PGM2L1: variants seen among roughly 807,000 people sequenced by gnomAD.
PGM2L1 encodes the protein glucose 1,6-bisphosphate synthase.
In PGM2L1, 35 loss-of-function variants were observed where a neutral mutation model predicts 73.4. That is an observed-to-expected ratio of 0.48 (90% CI 0.36 to 0.63). The LOEUF is 0.63. Among genes scored for constraint, PGM2L1 ranks in the 30% least tolerant of loss-of-function variants. The probability of loss-of-function intolerance (pLI) is 0.00; values close to 1 mark genes in which losing one functional copy is unlikely to be tolerated. For missense variants in PGM2L1, 570 were observed against 742.0 expected (o/e 0.77, Z 2.69); for synonymous variants, 225 against 253.8 (o/e 0.89, Z 1.08).
At chr11:74,397,921 C>T (rs1177612903) in intron 1 of PGM2L1, 130 bp downstream of exon 1, 14 of 1,372,278 alleles carry the variant, frequency 1.0e-5, no homozygotes, top group Non-Finnish European at 1.3e-5. Context: ...TGGCAACGCC[C>T]TGCTCCGCTG....
rs149027296 is a variant in PGM2L1 at position 74,358,448 on chromosome 11, G to C, written c.556-6872C>G. ...TTAAAAATAACATTTCCACCCATCTGATTGGCAAAGATTAAAAGCTTTGAT... is the reference window on the plus strand; with the variant it reads ...TTAAAAATAACATTTCCACCCATCTCATTGGCAAAGATTAAAAGCTTTGAT... On this transcript the variant is annotated intron_variant, in intron 5 of 13. Transcript: ENST00000298198. Among the ~76,000 whole-genome samples, 72 of 152,310 alleles carry C rather than the reference G, an allele frequency of 4.7e-4. 1 individual carries two copies. Among genetic ancestry groups the C allele is most frequent in the African/African-American group, 1.7e-3 (72 of 41,578 alleles).
intron 5 of PGM2L1, among the ~76,000 whole-genome samples, chr11:74,362,867 T>C (rs1862588030): frequency 6.6e-6 from 1 of 152,174 alleles, no homozygotes; most frequent in East Asian, 1.9e-4. Context: ...GGAATTGAAC[T>C]CAGCTCTGCA....
chr11:74,366,518 A>G (rs1418192941), intron 5 of PGM2L1, among the ~76,000 whole-genome samples: 1 of 151,944 alleles, frequency 6.6e-6, no homozygotes, highest in African/African-American at 2.4e-5. Flanking sequence ...GATGGCAAGA[A>G]AGAGTCACTG....
At chr11:74,373,743 T>C (rs891252358) in intron 2 of PGM2L1, among the ~76,000 whole-genome samples, 5 of 152,240 alleles carry the variant, frequency 3.3e-5, no homozygotes, top group African/African-American at 4.8e-5. Context: ...TAAATGGCCA[T>C]ATGCCAAAAT....
chr11:74,343,339 T>C lies in PGM2L1; in HGVS notation c.1296A>G (p.Ala432=). 3 of 1,607,258 alleles carry C rather than the reference T, an allele frequency of 1.9e-6. No homozygotes were observed. The highest frequency in any genetic ancestry group is 1.1e-5 in the South Asian group (1 of 89,538). Residue 432 remains alanine, a synonymous_variant, in exon 10 of 14, where the codon GCA becomes GCG. Transcript: ENST00000298198. ...ACTACATACCAATAGACTCTTCAAA[T>C]GCAAAAAGGACTTCTTTCCCATTTT... ...LLENGKEVLF[A]FEESIGFLCG...
chr11:74,337,427 C>T (rs189827617), intron 13 of PGM2L1, among the ~76,000 whole-genome samples: 1 of 152,140 alleles, frequency 6.6e-6, no homozygotes, highest in Admixed American at 6.5e-5. Flanking sequence ...CTTTATCCCC[C>T]CCAAAGGAAA....
chr11:74,397,885 A>AAGG, intron 1 of PGM2L1, 166 bp downstream of exon 1: 1 of 1,253,120 alleles, frequency 8.0e-7, no homozygotes, highest in African/African-American at 1.5e-5. Flanking sequence ...TGGCAGTCCG[A>AAGG]AGGAGCAACC....
chr11:74,396,530 T>C (rs954442594), intron 1 of PGM2L1, among the ~76,000 whole-genome samples: 1 of 152,184 alleles, frequency 6.6e-6, no homozygotes. Context: ...TTCTCCTGCC[T>C]CAGCCTCCCG....
intron 9 of PGM2L1, 70 bp downstream of exon 9, chr11:74,345,399 G>T: frequency 7.9e-7 from 1 of 1,263,956 alleles, no homozygotes; most frequent in Non-Finnish European, 1.1e-6. Context: ...AGTCAGTCTT[G>T]GTGGGGAGAT....
chr11:74,342,924 T>G lies in PGM2L1; in HGVS notation c.1403A>C (p.Asn468Thr), dbSNP rs1393550539. 6.2e-7 allele frequency: 1 copy of G among 1,610,380 alleles called. No individual in the cohort carries two copies. Among genetic ancestry groups the G allele is most frequent in the Non-Finnish European group, 8.5e-7 (1 of 1,178,284 alleles). The change falls in exon 11 of 14, where the codon AAT (asparagine) becomes ACT (threonine). Residue 468 changes from asparagine to threonine, a missense_variant. Asn to Thr is a moderately conservative substitution (Grantham distance 65). Transcript: ENST00000298198. ...AACCAGTTGCTGTTTCAATGTTATATTCATGGTTTCCAGGTAAGATGCCAT... is the reference window on the plus strand; with the variant it reads ...AACCAGTTGCTGTTTCAATGTTATAGTCATGGTTTCCAGGTAAGATGCCAT... Reference protein sequence around the residue: ...AEMASYLETMNITLKQQLVKV... With the variant: ...AEMASYLETMTITLKQQLVKV...
At chr11:74,351,260 T>C in intron 6 of PGM2L1, 123 bp downstream of exon 6, 1 of 925,886 alleles carries the variant, frequency 1.1e-6, no homozygotes, top group Non-Finnish European at 1.6e-6. Flanking sequence ...CTTTGACTCT[T>C]ATGAGTACTA....
chr11:74,369,638 C>T (rs1862719723), intron 4 of PGM2L1, among the ~76,000 whole-genome samples: 1 of 152,168 alleles, frequency 6.6e-6, no homozygotes, highest in African/African-American at 2.4e-5. Context: ...AATCCAAACT[C>T]AGAAAGGTAT....
At chr11:74,363,503 A>G (rs1316778282) in intron 5 of PGM2L1, among the ~76,000 whole-genome samples, 1 of 152,202 alleles carries the variant, frequency 6.6e-6, no homozygotes, top group African/African-American at 2.4e-5. Flanking sequence ...AAGAGAGAAG[A>G]ATCAAATGGA....
chr11:74,374,701 G>T, intron 1 of PGM2L1, 119 bp from the exon 2 acceptor site: 1 of 813,084 alleles, frequency 1.2e-6, no homozygotes. Flanking sequence ...AAATTCCACA[G>T]TGCTACTTCT....
chr11:74,361,494 T>C (rs1862562623), intron 5 of PGM2L1, among the ~76,000 whole-genome samples: 1 of 151,908 alleles, frequency 6.6e-6, no homozygotes, highest in South Asian at 2.1e-4. Context: ...AGAACACCTC[T>C]CCCCCTGCAA....
intron 1 of PGM2L1, among the ~76,000 whole-genome samples, chr11:74,396,099 A>AT (rs977179201): frequency 9.3e-5 from 14 of 150,908 alleles, no homozygotes; most frequent in Admixed American, 2.6e-4. Flanking sequence ...AAAAAAAAAA[A>AT]TTTTTTTTAA....
chr11:74,365,222 G>T (rs1324160323), intron 5 of PGM2L1, among the ~76,000 whole-genome samples: 1 of 152,108 alleles, frequency 6.6e-6, no homozygotes, highest in Non-Finnish European at 1.5e-5. Flanking sequence ...ATTCAAGATG[G>T]ATTAAAGACT....
In PGM2L1 at chr11:74,331,883, C is replaced by G. The variant is rs1174376272; in HGVS notation, c.*4769G>C. On this transcript the variant is annotated 3_prime_UTR_variant, in exon 14 of 14. Transcript: ENST00000298198. ...GGTTACGCTAGTGGAAAAATTTGAG[C>G]AGCAAACTCTAGGTATGTCACTTTG... The G allele has an allele frequency of 6.6e-6, 1 of 152,188 alleles. No homozygotes were observed. The highest frequency in any genetic ancestry group is 1.9e-4 in the East Asian group (1 of 5,198). The allele number at this position is 152,188 out of a possible 1,614,324, so 9.4% of individuals were successfully genotyped here. A position where few individuals can be genotyped will look rare whatever the true frequency, so the allele number is the denominator to read the frequency against.
intron 1 of PGM2L1, among the ~76,000 whole-genome samples, chr11:74,382,414 A>C (rs1565445118): frequency 6.6e-6 from 1 of 152,258 alleles, no homozygotes; most frequent in African/African-American, 2.4e-5. Flanking sequence ...ATGAGCAAGC[A>C]AGCCAAGTGG....
Sources: allele counts gnomAD v4.1 joint callset (sites outside exome capture counted in the v4.1 genomes callset), GRCh38; gene constraint gnomAD v4.1.1; transcripts MANE v1.5; gene names NCBI Gene and HGNC (gene_info 2026-07-23, HGNC 2026-07-21).